MROH2B: variants seen among roughly 807,000 people sequenced by gnomAD.
MROH2B encodes maestro heat-like repeat-containing protein family member 2B.
In MROH2B, 177 loss-of-function variants were observed where a neutral mutation model predicts 208.6. That is an observed-to-expected ratio of 0.85 (90% confidence interval 0.75 to 0.96). The LOEUF (loss-of-function observed/expected upper bound fraction) is 0.96, where lower values mean the gene tolerates loss of function less well. Ranked by LOEUF, MROH2B falls within the 40% of genes least tolerant of loss-of-function variation. The pLI, the probability that MROH2B is intolerant of heterozygous loss-of-function variation, is 0.00. For synonymous variants in MROH2B, 728 were observed against 659.0 expected (o/e 1.10, Z -1.60); for missense variants, 2,002 against 1,878.7 (o/e 1.07, Z -1.21).
Position 41,012,715 on chromosome 5 carries a change from T to G in MROH2B, c.3003A>C (p.Pro1001=). ...CTAGGAACATCAGAATTTCTTCATTTGGGATGAACTTACTGACAATCTGAA... is the reference window on the plus strand; with the variant it reads ...CTAGGAACATCAGAATTTCTTCATTGGGGATGAACTTACTGACAATCTGAA... The part of the protein sequence containing the change: ...KIAKIVSKFI[P]NEEILMFLEE... Residue 1001 remains proline, a synonymous_variant, in exon 30 of 42, where the codon CCA becomes CCC. Coordinates refer to ENST00000399564, the MANE Select transcript of MROH2B (RefSeq NM_173489.5). 1.2e-6 allele frequency: 2 copies of G among 1,613,670 alleles called. No homozygotes were observed. The highest frequency in any genetic ancestry group is 1.7e-6 in the Non-Finnish European group (2 of 1,179,726).
At chr5:41,067,632 T>A (rs1743853344) in intron 2 of MROH2B, among the ~76,000 whole-genome samples, 1 of 152,342 alleles carries the variant, frequency 6.6e-6, no homozygotes, top group South Asian at 2.1e-4. Flanking sequence ...TCTCCCAAAG[T>A]GCTGGGATTA....
chr5:41,033,187 G>T (rs1742634881), intron 22 of MROH2B, 27 bp from the exon 23 acceptor site: 1 of 1,610,518 alleles, frequency 6.2e-7, no homozygotes, highest in Non-Finnish European at 8.5e-7. Flanking sequence ...TACAATGCAA[G>T]TCAAGGTCTA....
intron 6 of MROH2B, among the ~76,000 whole-genome samples, chr5:41,060,217 T>G (rs1743592815): frequency 6.6e-6 from 1 of 152,154 alleles, no homozygotes. Context: ...TTAATTGATC[T>G]CTTTACCACT....
At chr5:41,064,256 T>C (rs993060441) in intron 5 of MROH2B, among the ~76,000 whole-genome samples, 1 of 152,184 alleles carries the variant, frequency 6.6e-6, no homozygotes, top group South Asian at 2.1e-4. Context: ...CTCTATACAA[T>C]GGGCAAATAG....
At chr5:41,042,836 C>G (rs963032460) in intron 18 of MROH2B, among the ~76,000 whole-genome samples, 1 of 152,138 alleles carries the variant, frequency 6.6e-6, no homozygotes. Flanking sequence ...GACTCCTGGC[C>G]TCAAGGGATC....
chr5:41,053,903 G>A (rs984941606), intron 11 of MROH2B, among the ~76,000 whole-genome samples: 2 of 152,114 alleles, frequency 1.3e-5, no homozygotes, highest in Non-Finnish European at 1.5e-5. Context: ...CAAACAAAAT[G>A]TGGTATTCTT....
At position 41,065,529 on chromosome 5, in the gene MROH2B, A is replaced by G. The variant is rs1554052436; in HGVS notation, c.202-39T>C. The G allele has an allele frequency of 2.0e-5, 31 of 1,575,402 alleles. No individual in the cohort carries two copies. In the South Asian group the frequency reaches 3.5e-4, roughly 18 times the overall value. Reference sequence around the variant, plus strand: ...GAAAAATAACAATAACAACTAGAAAAGGGGCAGAGTGAGTCTATGGAGGGG... The same window carrying G: ...GAAAAATAACAATAACAACTAGAAAGGGGGCAGAGTGAGTCTATGGAGGGG... On this transcript the variant is annotated intron_variant, in intron 3 of 41. Coordinates refer to ENST00000399564, the MANE Select transcript of MROH2B (RefSeq NM_173489.5).
chr5:41,033,217 A>G, intron 22 of MROH2B, 57 bp from the exon 23 acceptor site: 2 of 1,593,542 alleles, frequency 1.3e-6, no homozygotes, highest in South Asian at 1.1e-5. Flanking sequence ...ACTCAGGTCT[A>G]TTAACATGTG....
intron 7 of MROH2B, 145 bp from the exon 8 acceptor site, chr5:41,057,505 C>T: frequency 1.7e-6 from 1 of 602,048 alleles, no homozygotes; most frequent in Non-Finnish European, 2.9e-6. Flanking sequence ...ATTCTGGCCC[C>T]TTCCACCCTG....
intron 24 of MROH2B, among the ~76,000 whole-genome samples, chr5:41,025,067 C>T (rs944332439): frequency 2.0e-5 from 3 of 152,104 alleles, no homozygotes; most frequent in Non-Finnish European, 2.9e-5. Context: ...GCACTAAATG[C>T]CCACAACAGA....
At chr5:41,040,900 C>T (rs930635562) in intron 19 of MROH2B, among the ~76,000 whole-genome samples, 2 of 152,046 alleles carry the variant, frequency 1.3e-5, no homozygotes, top group African/African-American at 4.8e-5. Context: ...CTCCTGACCT[C>T]GTGATCTGCC....
rs200376875 is a variant in MROH2B at position 41,007,367 on chromosome 5, C to A, written c.3696G>T (p.Trp1232Cys). The A allele has an allele frequency of 2.6e-4, 400 of 1,547,604 alleles. No homozygotes were observed. Among genetic ancestry groups the A allele is most frequent in the Non-Finnish European group, 3.3e-4 (382 of 1,144,632 alleles). Residue 1232 changes from tryptophan (W) to cysteine (C), a missense_variant, in exon 34 of 42, where the codon TGG becomes TGT. Trp to Cys is a radical substitution (Grantham distance 215). Coordinates refer to ENST00000399564, the MANE Select transcript of MROH2B (RefSeq NM_173489.5). ...GGGTACTAGGACTGCTGAGTAGAGT[C>A]CATAAGTTGTCCCCCTCATCAGATT... ...AKESDEGDNL[W>C]TLLSSPSTHH...
At chr5:41,027,226 G>C (rs543652029) in intron 24 of MROH2B, among the ~76,000 whole-genome samples, 1 of 152,266 alleles carries the variant, frequency 6.6e-6, no homozygotes, top group Non-Finnish European at 1.5e-5. Context: ...CACAGCAAAA[G>C]AAACTACCAT....
Position 41,070,809 on chromosome 5 carries a change from A to T in MROH2B, c.28+16T>A. 1 of 1,609,238 alleles carries T rather than the reference A, an allele frequency of 6.2e-7. No homozygotes were observed. Among genetic ancestry groups the T allele is most frequent in the South Asian group, 1.1e-5 (1 of 90,092 alleles). Reference sequence around the variant, plus strand: ...CAGGGAAGAGCCTTGGCTTCTCAGGATCTGATGATGCTTACCTATGGATTC... The same window carrying T: ...CAGGGAAGAGCCTTGGCTTCTCAGGTTCTGATGATGCTTACCTATGGATTC... On this transcript the variant is annotated intron_variant, in intron 1 of 41. Transcript: ENST00000399564.
chr5:41,046,133 T>C (rs1354760106), intron 17 of MROH2B, among the ~76,000 whole-genome samples: 1 of 152,052 alleles, frequency 6.6e-6, no homozygotes, highest in African/African-American at 2.4e-5. Flanking sequence ...ACCTAAAATA[T>C]AAACTAATCC....
intron 21 of MROH2B, among the ~76,000 whole-genome samples, chr5:41,035,942 G>T (rs1020850787): frequency 5.3e-5 from 8 of 152,030 alleles, no homozygotes; most frequent in Non-Finnish European, 4.4e-5. Flanking sequence ...ATTTCTCAAA[G>T]AACTTAAAAC....
chr5:41,055,970 A>T, intron 9 of MROH2B, 115 bp from the exon 10 acceptor site: 1 of 723,080 alleles, frequency 1.4e-6, no homozygotes, highest in Middle Eastern at 2.6e-4. Context: ...TTCAGTTGGT[A>T]ATTTGATTTT....
At chr5:41,060,075 A>G (rs1430444691) in intron 6 of MROH2B, among the ~76,000 whole-genome samples, 1 of 152,170 alleles carries the variant, frequency 6.6e-6, no homozygotes, top group Non-Finnish European at 1.5e-5. Context: ...GATGATCCCA[A>G]GATCACCTGA....
chr5:41,018,496 T>C, intron 26 of MROH2B, 66 bp from the exon 27 acceptor site: 8 of 1,537,294 alleles, frequency 5.2e-6, no homozygotes, highest in Non-Finnish European at 6.2e-6. Context: ...TCATATTCTC[T>C]TTTTCTGTCT....
Sources: gnomAD v4.1 joint callset for allele counts (sites outside exome capture counted in the v4.1 genomes callset) on GRCh38, gnomAD v4.1.1 for gene constraint, MANE v1.5 for transcripts, NCBI Gene and HGNC (gene_info 2026-07-23, HGNC 2026-07-21) for gene names.